LARGE1: variants seen among roughly 807,000 people sequenced by gnomAD.
LARGE1 encodes the protein LARGE xylosyl- and glucuronyltransferase 1.
Under a neutral mutation model 87.6 loss-of-function variants are expected in LARGE1, and 43 were observed. That is an observed-to-expected ratio of 0.49 (90% CI 0.38 to 0.63). LARGE1 has a LOEUF of 0.63. Ranked by LOEUF, LARGE1 falls within the 30% of genes least tolerant of loss-of-function variation. The pLI, the probability that LARGE1 is intolerant of heterozygous loss-of-function variation, is 0.00. For missense variants in LARGE1, 802 were observed against 1,000.2 expected (o/e 0.80, Z 2.67); for synonymous variants, 434 against 394.6 (o/e 1.10, Z -1.18).
At chr22:33,353,214 A>T (rs1441826427) in intron 9 of LARGE1, among the ~76,000 whole-genome samples, 2 of 152,256 alleles carry the variant, frequency 1.3e-5, no homozygotes, top group Non-Finnish European at 2.9e-5. Context: ...CAAAGCATTC[A>T]GAATATGCAG....
At chr22:33,526,337 A>C (rs2071892648) in intron 6 of LARGE1, among the ~76,000 whole-genome samples, 1 of 152,240 alleles carries the variant, frequency 6.6e-6, no homozygotes. Flanking sequence ...CAGAGACTTA[A>C]AGAGGCCTGT....
intron 11 of LARGE1, 99 bp from the exon 12 acceptor site, chr22:33,304,606 C>A: frequency 7.8e-7 from 1 of 1,282,144 alleles, no homozygotes; most frequent in Non-Finnish European, 1.1e-6. Context: ...ACTTGATCAA[C>A]CAGCTGTGGA....
At chr22:33,543,371 G>C (rs1331679626) in intron 6 of LARGE1, among the ~76,000 whole-genome samples, 1 of 152,162 alleles carries the variant, frequency 6.6e-6, no homozygotes, top group African/African-American at 2.4e-5. Context: ...TGGATAAATA[G>C]GCTGCAGATA....
intron 6 of LARGE1, among the ~76,000 whole-genome samples, chr22:33,471,029 CTTTTTTTTTT>C (rs372332553): frequency 7.7e-6 from 1 of 129,732 alleles, no homozygotes; most frequent in East Asian, 2.3e-4. Context: ...TCTTCTTCTT[CTTTTTTTTTT>C]TTTTTTTTGA....
At chr22:33,351,352 C>T (rs1940357933) in intron 9 of LARGE1, among the ~76,000 whole-genome samples, 1 of 152,214 alleles carries the variant, frequency 6.6e-6, no homozygotes, top group Non-Finnish European at 1.5e-5. Context: ...GCATGGCGCT[C>T]TCAAATATTG....
chr22:33,532,917 G>A (rs149765505), intron 6 of LARGE1, among the ~76,000 whole-genome samples: 1 of 152,252 alleles, frequency 6.6e-6, no homozygotes, highest in Non-Finnish European at 1.5e-5. Context: ...TGCCCCAAAG[G>A]GCCAGTACAG....
At chr22:33,571,464 C>T (rs1375918268) in intron 5 of LARGE1, among the ~76,000 whole-genome samples, 5 of 152,124 alleles carry the variant, frequency 3.3e-5, no homozygotes, top group Non-Finnish European at 5.9e-5. Flanking sequence ...GCCCAAAACA[C>T]AGGGGATGGA....
At chr22:33,763,332 C>T (rs563918387) in intron 1 of LARGE1, among the ~76,000 whole-genome samples, 4 of 152,272 alleles carry the variant, frequency 2.6e-5, no homozygotes, top group East Asian at 1.9e-4. Context: ...CAATCTGACA[C>T]GATTTTCTAA....
chr22:33,913,568 G>T (rs2065698852), intron 1 of LARGE1, among the ~76,000 whole-genome samples: 1 of 152,098 alleles, frequency 6.6e-6, no homozygotes, highest in Non-Finnish European at 1.5e-5. Context: ...TTTTTGAGAA[G>T]GAGTCTTGCT....
chr22:33,068,140 A>C, the LARGE1 span, among the ~76,000 whole-genome samples: 1 of 152,162 alleles, frequency 6.6e-6, no homozygotes, highest in Non-Finnish European at 1.5e-5. Context: ...GGCTTTTTAC[A>C]TGGAGGGAAA....
intron 1 of LARGE1, among the ~76,000 whole-genome samples, chr22:33,898,668 C>T (rs1326356537): frequency 6.6e-6 from 1 of 152,186 alleles, no homozygotes; most frequent in Non-Finnish European, 1.5e-5. Context: ...GCAGAAGAAT[C>T]GCTTGAACCC....
At chr22:33,888,987 T>C (rs930452844) in intron 1 of LARGE1, among the ~76,000 whole-genome samples, 4 of 152,230 alleles carry the variant, frequency 2.6e-5, no homozygotes, top group Non-Finnish European at 4.4e-5. Flanking sequence ...CACATTTAAG[T>C]TCCTGATGTA....
chr22:33,476,652 A>T (rs754539211), intron 6 of LARGE1, among the ~76,000 whole-genome samples: 4 of 152,090 alleles, frequency 2.6e-5, no homozygotes, highest in Non-Finnish European at 5.9e-5. Context: ...ATGTCCTTTA[A>T]ATGAAGTAAC....
At chr22:33,716,588 G>C (rs1349318946) in intron 2 of LARGE1, among the ~76,000 whole-genome samples, 1 of 152,134 alleles carries the variant, frequency 6.6e-6, no homozygotes, top group Non-Finnish European at 1.5e-5. Context: ...TGTAGAGACA[G>C]GTTTTCACCA....
the LARGE1 span, among the ~76,000 whole-genome samples, chr22:33,087,536 T>A: frequency 6.6e-6 from 1 of 152,214 alleles, no homozygotes; most frequent in African/African-American, 2.4e-5. Context: ...TATGAGGCCA[T>A]GCAAAGGCTA....
In LARGE1 at chr22:33,847,254, T is replaced by C. The variant is rs147812270; in HGVS notation, c.-83+72741A>G. On this transcript the variant is annotated intron_variant, in intron 1 of 14. Transcript: ENST00000397394. ...GTTCCATCAAGAGGCACATGACATC[T>C]GGTTGTTTCTCTTTTGTGATGCTGG... 5.1e-3 allele frequency among the ~76,000 whole-genome samples: 770 copies of C among 152,342 alleles called. 9 individuals are homozygous for C. The highest frequency in any genetic ancestry group is 0.017 in the African/African-American group (722 of 41,572).
chr22:33,089,991 G>C, the LARGE1 span, among the ~76,000 whole-genome samples: 60 of 151,546 alleles, frequency 4.0e-4, no homozygotes, highest in Non-Finnish European at 6.3e-4. Flanking sequence ...AATTCCTGCC[G>C]TCAGAGTTCA....
chr22:33,394,697 GGGAGCGTGTGTGTGTGTGTGT>G (rs2065660549), intron 7 of LARGE1, among the ~76,000 whole-genome samples: 2 of 142,958 alleles, frequency 1.4e-5, no homozygotes, highest in Admixed American at 1.4e-4. Context: ...TCAACCTCCT[GGGAGCGTGTGTGTGTGTGTGT>G]GTGTGTGTGT....
At chr22:33,342,550 C>G (rs1454202119) in intron 9 of LARGE1, among the ~76,000 whole-genome samples, 1 of 152,196 alleles carries the variant, frequency 6.6e-6, no homozygotes, top group Non-Finnish European at 1.5e-5. Context: ...ACTATTATAT[C>G]TAGTCCTAAA....
Sources: allele counts gnomAD v4.1 joint callset (sites outside exome capture counted in the v4.1 genomes callset), GRCh38; gene constraint gnomAD v4.1.1; transcripts MANE v1.5; gene names NCBI Gene and HGNC (gene_info 2026-07-23, HGNC 2026-07-21).